LYPLAL1: variants seen among roughly 807,000 people sequenced by gnomAD.
LYPLAL1 encodes the protein lysophospholipase like 1, also known as lysophospholipase-like protein 1.
LYPLAL1 carries 23 observed loss-of-function variants against 19.7 expected under a neutral mutation model. The ratio of observed to expected loss-of-function variants is 1.17; its 90% CI spans 0.84 to 1.65. The LOEUF (loss-of-function observed/expected upper bound fraction) is 1.65, where lower values mean the gene tolerates loss of function less well. LYPLAL1 is among the 40% of genes most tolerant of loss of function. The probability of loss-of-function intolerance (pLI) is 0.00; values close to 1 mark genes in which losing one functional copy is unlikely to be tolerated. For missense variants in LYPLAL1, 355 were observed against 279.4 expected, an observed-to-expected ratio of 1.27 and a Z score of -1.93; for synonymous variants, 119 against 96.3, an observed-to-expected ratio of 1.24 and a Z score of -1.38.
chr1:219,184,311 CTT>C (rs920218314), intron 2 of LYPLAL1, among the ~76,000 whole-genome samples: 7 of 151,872 alleles, frequency 4.6e-5, no homozygotes, highest in Admixed American at 2.6e-4. Context: ...TGTTAAAAAA[CTT>C]AATTTTCAAA....
At chr1:219,281,218 T>G in the LYPLAL1 span, among the ~76,000 whole-genome samples, 1 of 152,154 alleles carries the variant, frequency 6.6e-6, no homozygotes, top group African/African-American at 2.4e-5. Flanking sequence ...TCCTTTGGCA[T>G]GAAATTAGTT....
intron 3 of LYPLAL1, among the ~76,000 whole-genome samples, chr1:219,193,732 T>C (rs1295501957): frequency 6.6e-6 from 1 of 151,894 alleles, no homozygotes; most frequent in Non-Finnish European, 1.5e-5. Context: ...GGAATATAAG[T>C]AGCTTTATAT....
the LYPLAL1 span, among the ~76,000 whole-genome samples, chr1:219,285,053 C>A: frequency 2.0e-5 from 3 of 152,216 alleles, no homozygotes; most frequent in Admixed American, 2.0e-4. Context: ...AGAAGGCAAG[C>A]AAGACTAAAA....
At chr1:219,336,390 G>A in the LYPLAL1 span, among the ~76,000 whole-genome samples, 3 of 151,774 alleles carry the variant, frequency 2.0e-5, no homozygotes, top group Admixed American at 1.3e-4. Context: ...CCAAGATAAT[G>A]ACACCTATTT....
the LYPLAL1 span, among the ~76,000 whole-genome samples, chr1:219,331,457 A>C: frequency 1.3e-5 from 2 of 152,146 alleles, no homozygotes; most frequent in Admixed American, 1.3e-4. Context: ...GGTCCACTTT[A>C]TATATTTCTC....
the LYPLAL1 span, among the ~76,000 whole-genome samples, chr1:219,241,712 G>A: frequency 6.6e-6 from 1 of 152,188 alleles, no homozygotes; most frequent in Non-Finnish European, 1.5e-5. Context: ...TACTAAGAAA[G>A]GGAGATCTGT....
the LYPLAL1 span, among the ~76,000 whole-genome samples, chr1:219,310,649 G>A: frequency 1.3e-5 from 2 of 152,164 alleles, no homozygotes; most frequent in African/African-American, 4.8e-5. Flanking sequence ...TATAGAGTAG[G>A]GGGGAAATGA....
At chr1:219,379,634 C>T in the LYPLAL1 span, among the ~76,000 whole-genome samples, 1 of 152,160 alleles carries the variant, frequency 6.6e-6, no homozygotes, top group Admixed American at 6.5e-5. Flanking sequence ...AATTATTTTG[C>T]CCTCTATGCA....
the LYPLAL1 span, among the ~76,000 whole-genome samples, chr1:219,261,105 C>T: frequency 2.0e-5 from 3 of 152,136 alleles, no homozygotes; most frequent in South Asian, 2.1e-4. Context: ...GAAAAGGCAT[C>T]GCCTTAAATA....
At chr1:219,195,081 A>G (rs1386024093) in intron 3 of LYPLAL1, among the ~76,000 whole-genome samples, 1 of 152,086 alleles carries the variant, frequency 6.6e-6, no homozygotes, top group Non-Finnish European at 1.5e-5. Flanking sequence ...CTTATTACCT[A>G]CACTTAATTT....
At chr1:219,226,025 A>G in the LYPLAL1 span, among the ~76,000 whole-genome samples, 80 of 152,304 alleles carry the variant, frequency 5.3e-4, no homozygotes, top group Non-Finnish European at 7.4e-4. Flanking sequence ...GAGTGACGCA[A>G]TGCCTTGCCC....
At chr1:219,317,230 C>T in the LYPLAL1 span, among the ~76,000 whole-genome samples, 3 of 152,232 alleles carry the variant, frequency 2.0e-5, no homozygotes, top group South Asian at 2.1e-4. Context: ...CCATTGCTTC[C>T]GAAGTAAATC....
At chr1:219,177,380 A>C (rs542791282) in intron 1 of LYPLAL1, among the ~76,000 whole-genome samples, 2 of 152,266 alleles carry the variant, frequency 1.3e-5, no homozygotes, top group South Asian at 4.1e-4. Flanking sequence ...AGGAGTCTTT[A>C]ATAATGTAAA....
chr1:219,363,949 A>G, the LYPLAL1 span, among the ~76,000 whole-genome samples: 2 of 152,274 alleles, frequency 1.3e-5, no homozygotes, highest in East Asian at 1.9e-4. Flanking sequence ...GAAATGTGGT[A>G]TGATTCTATG....
downstream of LYPLAL1, among the ~76,000 whole-genome samples, chr1:219,217,056 C>G (rs1263220443): frequency 6.6e-6 from 1 of 152,110 alleles, no homozygotes; most frequent in Non-Finnish European, 1.5e-5. Flanking sequence ...AAAATCCCTT[C>G]AGAGAAGACT....
the LYPLAL1 span, among the ~76,000 whole-genome samples, chr1:219,261,024 A>G: frequency 3.3e-5 from 5 of 152,152 alleles, no homozygotes; most frequent in African/African-American, 9.6e-5. Flanking sequence ...CATATAAACC[A>G]TATCAAAAGC....
chr1:219,234,137 T>G, the LYPLAL1 span, among the ~76,000 whole-genome samples: 1 of 152,208 alleles, frequency 6.6e-6, no homozygotes, highest in Non-Finnish European at 1.5e-5. Flanking sequence ...GGTATAAACC[T>G]TATAAGATCA....
chr1:219,222,916 G>A, the LYPLAL1 span: 2 of 152,030 alleles, frequency 1.3e-5, no homozygotes, highest in African/African-American at 2.4e-5. Context: ...AGGCACTAGG[G>A]GGGTTCCTTC....
chr1:219,352,784 C>T, the LYPLAL1 span, among the ~76,000 whole-genome samples: 11 of 152,286 alleles, frequency 7.2e-5, no homozygotes, highest in South Asian at 2.1e-3. Context: ...CCAGCTTAGG[C>T]TCTGTTCATC....
Sources: allele counts gnomAD v4.1 joint callset (sites outside exome capture counted in the v4.1 genomes callset), GRCh38; gene constraint gnomAD v4.1.1; transcripts MANE v1.5; gene names NCBI Gene and HGNC (gene_info 2026-07-23, HGNC 2026-07-21).